LOC128125822: variants seen among roughly 807,000 people sequenced by gnomAD.
At chr6:63,579,117 T>A in the LOC128125822 span, 2 of 1,397,836 alleles carry the variant, frequency 1.4e-6, no homozygotes, top group South Asian at 3.2e-5. Context: ...TTTTTTAATA[T>A]AAAGTCAACA....
chr6:63,579,323 C>T, the LOC128125822 span: 1 of 1,598,754 alleles, frequency 6.3e-7, no homozygotes, highest in Non-Finnish European at 8.5e-7. Context: ...CAGTACAATT[C>T]ATAAGACAGT....
the LOC128125822 span, chr6:63,576,778 A>G: frequency 5.9e-6 from 5 of 851,888 alleles, no homozygotes; most frequent in Non-Finnish European, 9.2e-6. Flanking sequence ...GAGAATTTCA[A>G]GTGGAGTATA....
the LOC128125822 span, among the ~76,000 whole-genome samples, chr6:63,574,328 T>C: frequency 6.6e-6 from 1 of 152,054 alleles, no homozygotes; most frequent in Admixed American, 6.6e-5. Context: ...TCTCCCTTCT[T>C]GTATATGATT....
At chr6:63,580,177 T>C in the LOC128125822 span, 2 of 1,597,814 alleles carry the variant, frequency 1.3e-6, no homozygotes, top group East Asian at 2.2e-5. Flanking sequence ...TTCAATAAAA[T>C]TGGGGTGCCT....
chr6:63,574,291 T>C, the LOC128125822 span, among the ~76,000 whole-genome samples: 1 of 152,226 alleles, frequency 6.6e-6, no homozygotes, highest in East Asian at 1.9e-4. Context: ...TGATTTAAGC[T>C]TCTGCACAGA....
the LOC128125822 span, among the ~76,000 whole-genome samples, chr6:63,579,603 T>C: frequency 6.6e-6 from 1 of 152,230 alleles, no homozygotes; most frequent in Non-Finnish European, 1.5e-5. Context: ...TGAGGTATAA[T>C]TAAGATACAT....
chr6:63,581,763 GT>G, the LOC128125822 span: 10 of 152,056 alleles, frequency 6.6e-5, no homozygotes, highest in Non-Finnish European at 2.9e-5. Context: ...CTAGTTCATG[GT>G]TTTGTGCAAC....
At chr6:63,577,430 C>T in the LOC128125822 span, among the ~76,000 whole-genome samples, 1 of 152,180 alleles carries the variant, frequency 6.6e-6, no homozygotes, top group South Asian at 2.1e-4. Context: ...ACTCTACCTG[C>T]CTCTTTTTAC....
At chr6:63,581,441 C>T in the LOC128125822 span, 2 of 152,554 alleles carry the variant, frequency 1.3e-5, no homozygotes, top group Admixed American at 1.3e-4. Flanking sequence ...TAAATAATGA[C>T]ATGCATTTAT....
the LOC128125822 span, chr6:63,572,802 C>G: frequency 2.5e-6 from 1 of 397,328 alleles, no homozygotes; most frequent in Non-Finnish European, 4.4e-6. Context: ...TGTTCGGAGC[C>G]CGGCGTCTCC....
the LOC128125822 span, among the ~76,000 whole-genome samples, chr6:63,574,030 A>G: frequency 1.3e-5 from 2 of 152,100 alleles, no homozygotes; most frequent in African/African-American, 2.4e-5. Flanking sequence ...CTACCAGTCC[A>G]CGAGTATTAA....
the LOC128125822 span, among the ~76,000 whole-genome samples, chr6:63,577,802 C>G: frequency 6.6e-6 from 1 of 151,426 alleles, no homozygotes; most frequent in Non-Finnish European, 1.5e-5. Context: ...GCCACCACGC[C>G]TGGCTGGGAA....
chr6:63,582,150 T>C, the LOC128125822 span: 1 of 152,060 alleles, frequency 6.6e-6, no homozygotes, highest in Admixed American at 6.6e-5. Context: ...TTATTTGTGA[T>C]AGTAATCACA....
At chr6:63,573,234 T>G in the LOC128125822 span, 3 of 152,520 alleles carry the variant, frequency 2.0e-5, no homozygotes, top group African/African-American at 7.2e-5. Context: ...GGGCTGCGCG[T>G]GTCACTGCGG....
the LOC128125822 span, chr6:63,576,860 G>C: frequency 6.3e-7 from 1 of 1,584,818 alleles, no homozygotes; most frequent in Non-Finnish European, 8.6e-7. Flanking sequence ...ACCCTATTGA[G>C]TGTTTTTTAA....
chr6:63,580,163 T>A, the LOC128125822 span: 1 of 1,610,416 alleles, frequency 6.2e-7, no homozygotes, highest in Non-Finnish European at 8.5e-7. Flanking sequence ...AAACAACTGT[T>A]GCATTCAATA....
the LOC128125822 span, chr6:63,572,738 G>T: frequency 1.0e-5 from 4 of 398,232 alleles, no homozygotes; most frequent in African/African-American, 4.1e-5. Flanking sequence ...CCGTCGCATC[G>T]TCGCCTCTCG....
chr6:63,576,959 A>G, the LOC128125822 span: 7 of 1,613,880 alleles, frequency 4.3e-6, no homozygotes, highest in Non-Finnish European at 5.9e-6. Flanking sequence ...CAATCCAACC[A>G]ATGCGACCTT....
chr6:63,579,738 T>TA, the LOC128125822 span, among the ~76,000 whole-genome samples: 1 of 152,232 alleles, frequency 6.6e-6, no homozygotes, highest in Non-Finnish European at 1.5e-5. Flanking sequence ...GTGGCTTTTG[T>TA]AGTCATCTTC....
Sources: gnomAD v4.1 joint callset for allele counts (sites outside exome capture counted in the v4.1 genomes callset) on GRCh38, gnomAD v4.1.1 for gene constraint, MANE v1.5 for transcripts.